Variants in UBE2J2 observed in about 807,000 individuals in gnomAD.
UBE2J2 encodes the protein ubiquitin-conjugating enzyme E2 J2.
In UBE2J2, 5 loss-of-function variants were observed where a neutral mutation model predicts 28.6. The observed-to-expected ratio is 0.17, with a 90% CI of 0.09 to 0.37. The LOEUF (loss-of-function observed/expected upper bound fraction) is 0.37, where lower values mean the gene tolerates loss of function less well. UBE2J2 is among the 10% of genes least tolerant of loss of function. The probability of loss-of-function intolerance (pLI) is 1.00; values close to 1 mark genes in which losing one functional copy is unlikely to be tolerated. For synonymous variants in UBE2J2, 138 were observed against 139.7 expected, an observed-to-expected ratio of 0.99 and a Z score of 0.09; for missense variants, 226 against 338.9, an observed-to-expected ratio of 0.67 and a Z score of 2.62.
At chr1:1,259,308 G>A (rs895418689) in intron 3 of UBE2J2, among the ~76,000 whole-genome samples, 1 of 151,108 alleles carries the variant, frequency 6.6e-6, no homozygotes, top group Admixed American at 6.6e-5. Flanking sequence ...GTGCACGTGC[G>A]TGCCATCAGG....
chr1:1,256,892 A>T, intron 5 of UBE2J2, 100 bp downstream of exon 5: 1 of 915,058 alleles, frequency 1.1e-6, no homozygotes, highest in South Asian at 3.8e-5. Context: ...TCTCAAGAAA[A>T]AAAAAAAAAA....
chr1:1,272,248 C>G (rs1359176304), intron 1 of UBE2J2, among the ~76,000 whole-genome samples: 1 of 152,086 alleles, frequency 6.6e-6, no homozygotes, highest in Non-Finnish European at 1.5e-5. Flanking sequence ...ACAAAGGACA[C>G]CAAGCATATC....
In UBE2J2 at chr1:1,255,067, TC is replaced by T; in HGVS notation, c.*135del. On this transcript the variant is annotated 3_prime_UTR_variant, in exon 7 of 7. Transcript: ENST00000349431. The stretch of plus-strand genomic sequence containing the variant: ...CCAGTCACACATTTTGGTTTTTGCT[TC>T]CCCTTTCAGGTTTTTAAAAGCTAAA... 9.4e-7 allele frequency: 1 copy of T among 1,059,318 alleles called. No individual in the cohort carries two copies. Among genetic ancestry groups the T allele is most frequent in the Non-Finnish European group, 1.3e-6 (1 of 755,594 alleles). The allele number at this position is 1,059,318 out of a possible 1,614,324, so 65.6% of individuals were successfully genotyped here. A position where few individuals can be genotyped will look rare whatever the true frequency, so the allele number is the denominator to read the frequency against.
rs2101022597 is a variant in UBE2J2 at position 1,255,185 on chromosome 1, G to A, written c.*18C>T. 1 of 1,564,978 alleles carries A rather than the reference G, an allele frequency of 6.4e-7. No homozygotes were observed. The highest frequency in any genetic ancestry group is 8.7e-7 in the Non-Finnish European group (1 of 1,151,190). ...GCGCGGTGCCCTCAGTGGCGCCTTGGGTCTCGGCGCCTGGGCCTCACTCCT... is the reference window on the plus strand; with the variant it reads ...GCGCGGTGCCCTCAGTGGCGCCTTGAGTCTCGGCGCCTGGGCCTCACTCCT... On this transcript the variant is annotated 3_prime_UTR_variant, in exon 7 of 7. Transcript: ENST00000349431.
rs1639979587 is a variant in UBE2J2 at position 1,268,310 on chromosome 1, G to A, written c.1-318C>T. Among the ~76,000 whole-genome samples, 1 of 152,112 alleles carries A rather than the reference G, an allele frequency of 6.6e-6. No individual in the cohort carries two copies. ...GGATACATTTACAGGGCTTGAGGGG[G>A]TATTCGGGCCACAGCCTCAGACCAG... is the stretch of plus-strand genomic sequence containing the variant. On this transcript the variant is annotated intron_variant, in intron 1 of 6. Coordinates refer to ENST00000349431, the MANE Select transcript of UBE2J2 (RefSeq NM_058167.3). The surrounding 1 kb of genome is among the most constrained non-coding windows in gnomAD (Gnocchi z 4.7).
At chr1:1,263,773 G>A (rs1375296300) in intron 2 of UBE2J2, among the ~76,000 whole-genome samples, 2 of 151,884 alleles carry the variant, frequency 1.3e-5, no homozygotes, top group African/African-American at 2.4e-5. Context: ...GTGGAAGATC[G>A]CTTGAGCCCA....
chr1:1,254,974 GGCCC>G lies in UBE2J2; in HGVS notation c.*225_*228del, dbSNP rs1257040293. 3.5e-5 allele frequency: 17 copies of G among 490,296 alleles called. No individual in the cohort carries two copies. Among genetic ancestry groups the G allele is most frequent in the Non-Finnish European group, 5.4e-5 (15 of 278,470 alleles). The allele number at this position is 490,296 out of a possible 1,614,324, so 30.4% of individuals were successfully genotyped here. A position where few individuals can be genotyped will look rare whatever the true frequency, so the allele number is the denominator to read the frequency against. ...GATAAGCTACAAATCCAGCACACAA[GGCCC>G]ACCCACACCAGCCCCAGCGGCCCGT... On this transcript the variant is annotated 3_prime_UTR_variant, in exon 7 of 7. Transcript: ENST00000349431.
intron 3 of UBE2J2, 39 bp from the exon 4 acceptor site, chr1:1,257,349 C>CACAGCA (rs1258356159): frequency 1.6e-5 from 22 of 1,368,030 alleles, no homozygotes; most frequent in Non-Finnish European, 2.3e-5. Context: ...TGTCGTCCGC[C>CACAGCA]ACAGCAGGGG....
At chr1:1,267,225 C>T (rs959800064) in intron 2 of UBE2J2, among the ~76,000 whole-genome samples, 2 of 152,114 alleles carry the variant, frequency 1.3e-5, no homozygotes, top group African/African-American at 4.8e-5. Context: ...ACTAGCAGAC[C>T]TGTAATGGCA....
rs777114594 is a variant in UBE2J2 at position 1,263,327 on chromosome 1, C to G, written c.172+19G>C. On this transcript the variant is annotated intron_variant, in intron 3 of 6. Coordinates refer to ENST00000349431, the MANE Select transcript of UBE2J2 (RefSeq NM_058167.3). ...ATAAAAACCGCCTGGTGTTCTTCTC[C>G]TAAGCACAGAATCCTTACCTTCATA... 3.1e-6 allele frequency: 5 copies of G among 1,611,148 alleles called. No homozygotes were observed. Among genetic ancestry groups the G allele is most frequent in the African/African-American group, 2.7e-5 (2 of 74,808 alleles).
intron 2 of UBE2J2, chr1:1,267,619 C>T (rs919687070): frequency 9.6e-6 from 10 of 1,046,232 alleles, no homozygotes; most frequent in Non-Finnish European, 1.3e-5. Flanking sequence ...GGCCCCACAC[C>T]GGAGATTCTC....
intron 3 of UBE2J2, chr1:1,262,159 C>A: frequency 3.0e-6 from 1 of 338,686 alleles, no homozygotes; most frequent in Non-Finnish European, 5.9e-6. Context: ...GCCCGGCCGA[C>A]CACTACTCAC....
intron 1 of UBE2J2, among the ~76,000 whole-genome samples, chr1:1,270,009 G>A (rs747617102): frequency 1.9e-4 from 29 of 152,146 alleles, no homozygotes; most frequent in African/African-American, 4.6e-4. Context: ...GTTTCCCCAA[G>A]CCGTTCCAGT....
chr1:1,259,927 T>C (rs1046617825), intron 3 of UBE2J2, among the ~76,000 whole-genome samples: 2 of 152,230 alleles, frequency 1.3e-5, no homozygotes, highest in Non-Finnish European at 2.9e-5. Context: ...CTGGCCTCCC[T>C]GCATGTGTGG....
intron 3 of UBE2J2, among the ~76,000 whole-genome samples, chr1:1,259,088 G>A (rs949836509): frequency 6.8e-6 from 1 of 146,788 alleles, no homozygotes; most frequent in African/African-American, 2.6e-5. Flanking sequence ...CCATCAGGAC[G>A]CACGTGTGTG....
intron 3 of UBE2J2, among the ~76,000 whole-genome samples, chr1:1,261,139 T>C (rs1429909280): frequency 6.6e-6 from 1 of 152,072 alleles, no homozygotes; most frequent in Non-Finnish European, 1.5e-5. Context: ...CCTCGGCAAG[T>C]GGCAATTCGG....
In UBE2J2 at chr1:1,272,244, G is replaced by A. The variant is rs557378786; in HGVS notation, c.-1+1422C>T. Among the ~76,000 whole-genome samples, 11 of 152,154 alleles carry A rather than the reference G, an allele frequency of 7.2e-5. No individual in the cohort carries two copies. In the South Asian group the frequency reaches 2.3e-3, roughly 32 times the overall value. ...CCTTCAAACATCCCCACAGACAAAG[G>A]ACACCAAGCATATCATCCTGCTGAG... On this transcript the variant is annotated intron_variant, in intron 1 of 6. Coordinates refer to ENST00000349431, the MANE Select transcript of UBE2J2 (RefSeq NM_058167.3).
intron 3 of UBE2J2, among the ~76,000 whole-genome samples, chr1:1,259,257 A>G (rs1452970684): frequency 1.4e-5 from 2 of 142,348 alleles, no homozygotes; most frequent in African/African-American, 2.7e-5. Flanking sequence ...CCATCAGGAC[A>G]CGTGTGTGTG....
At chr1:1,262,805 C>G (rs889550846) in intron 3 of UBE2J2, 1 of 174,778 alleles carries the variant, frequency 5.7e-6, no homozygotes, top group Admixed American at 5.4e-5. Flanking sequence ...TAGGTGGTGT[C>G]TGCTGACCTG....
Sources: allele counts gnomAD v4.1 joint callset (sites outside exome capture counted in the v4.1 genomes callset), GRCh38; gene constraint gnomAD v4.1.1; non-coding constraint Gnocchi (gnomAD v3.1); transcripts MANE v1.5; gene names NCBI Gene and HGNC (gene_info 2026-07-23, HGNC 2026-07-21).